XKR6: variants seen among roughly 807,000 people sequenced by gnomAD.
XKR6 encodes XK related 6, also known as XK-related protein 6.
XKR6 carries 22 observed loss-of-function variants against 56.7 expected under a neutral mutation model. The ratio of observed to expected loss-of-function variants is 0.39; its 90% CI spans 0.28 to 0.55. XKR6 has a LOEUF of 0.55. Among genes scored for constraint, XKR6 ranks in the 20% least tolerant of loss-of-function variants. The probability of loss-of-function intolerance (pLI) is 0.66; values close to 1 mark genes in which losing one functional copy is unlikely to be tolerated. For missense variants in XKR6, 852 were observed against 889.0 expected (o/e 0.96, Z 0.53); for synonymous variants, 524 against 387.8 (o/e 1.35, Z -4.13).
chr8:11,019,235 G>T (rs761264908), intron 1 of XKR6, among the ~76,000 whole-genome samples: 4 of 152,308 alleles, frequency 2.6e-5, no homozygotes, highest in Non-Finnish European at 5.9e-5. Context: ...AATGTGAATT[G>T]CTTGGCACTG....
intron 1 of XKR6, among the ~76,000 whole-genome samples, chr8:10,966,560 G>A (rs1379141325): frequency 6.6e-6 from 1 of 152,164 alleles, no homozygotes; most frequent in African/African-American, 2.4e-5. Context: ...TGTAGTCCCA[G>A]CTACACGGGA....
intron 1 of XKR6, among the ~76,000 whole-genome samples, chr8:11,061,085 A>G (rs1799821971): frequency 6.6e-6 from 1 of 152,236 alleles, no homozygotes; most frequent in South Asian, 2.1e-4. Context: ...TGGATGAAAC[A>G]GCTGGGACAC....
intron 1 of XKR6, among the ~76,000 whole-genome samples, chr8:11,010,739 T>C (rs992157892): frequency 4.6e-5 from 7 of 152,174 alleles, no homozygotes; most frequent in Admixed American, 2.6e-4. Flanking sequence ...CAGTCTTCTT[T>C]ACTACCTTTT....
At chr8:11,037,597 C>T (rs1406418867) in intron 1 of XKR6, among the ~76,000 whole-genome samples, 3 of 152,322 alleles carry the variant, frequency 2.0e-5, no homozygotes, top group Non-Finnish European at 4.4e-5. Context: ...CAGTGGCTCA[C>T]GCCTGTAATC....
chr8:11,072,945 G>A (rs994757662), intron 1 of XKR6, among the ~76,000 whole-genome samples: 1 of 152,122 alleles, frequency 6.6e-6, no homozygotes, highest in Non-Finnish European at 1.5e-5. Flanking sequence ...AGCTACTAAT[G>A]AGGCTGAGGC....
intron 1 of XKR6, among the ~76,000 whole-genome samples, chr8:10,951,308 GGGC>G (rs1451547288): frequency 6.1e-5 from 9 of 147,110 alleles, no homozygotes; most frequent in Admixed American, 2.0e-4. Context: ...TGGGGGGGGG[GGGC>G]CCCCACAGTG....
In XKR6 at chr8:10,897,310, A is replaced by G. The variant is rs368413761; in HGVS notation, c.*642T>C. 1 of 152,736 alleles carries G rather than the reference A, an allele frequency of 6.5e-6. No homozygotes were observed. Among genetic ancestry groups the G allele is most frequent in the African/African-American group, 2.4e-5 (1 of 41,592 alleles). The allele number at this position is 152,736 out of a possible 1,614,324, so 9.5% of individuals were successfully genotyped here. A position where few individuals can be genotyped will look rare whatever the true frequency, so the allele number is the denominator to read the frequency against. ...GGTAAATTTGTTTTCTTCAATACAA[A>G]TAATCAGATAGGAAGAATAATTGCT... On this transcript the variant is annotated 3_prime_UTR_variant, in exon 3 of 3. Transcript: ENST00000416569.
chr8:11,104,965 A>T (rs1798623222), intron 1 of XKR6: 1 of 152,308 alleles, frequency 6.6e-6, no homozygotes, highest in Non-Finnish European at 1.5e-5. Context: ...TTGAAACAGG[A>T]TGGTGACGGC....
At chr8:10,976,660 G>C (rs537445081) in intron 1 of XKR6, among the ~76,000 whole-genome samples, 1 of 152,304 alleles carries the variant, frequency 6.6e-6, no homozygotes, top group Non-Finnish European at 1.5e-5. Context: ...GGAAGACAAT[G>C]AGGCAGCCAC....
chr8:11,182,252 C>T (rs186259464), intron 1 of XKR6, among the ~76,000 whole-genome samples: 75 of 152,258 alleles, frequency 4.9e-4, no homozygotes, highest in Non-Finnish European at 9.7e-4. Flanking sequence ...CCACAGGTGA[C>T]GTCGTAGGAT....
Position 11,121,584 on chromosome 8 carries a change from G to T in XKR6, c.764+78992C>A, listed in dbSNP as rs547458599. 2.4e-4 allele frequency among the ~76,000 whole-genome samples: 36 copies of T among 152,352 alleles called. No individual in the cohort carries two copies. The South Asian group carries it at 7.2e-3, about 31-fold the overall frequency. On this transcript the variant is annotated intron_variant, in intron 1 of 2. Coordinates refer to ENST00000416569, the MANE Select transcript of XKR6 (RefSeq NM_173683.4). ...AAACAGGAACACTTTTACACTGTTG[G>T]TGGGACTGTAAACTAGTTCAACCAT...
In XKR6 at chr8:11,111,437, A is replaced by G. The variant is rs140030508; in HGVS notation, c.764+89139T>C. ...TTGGGTGGACTTTGCATATTCTAAT[A>G]CAGGCCATTCTGAGACCGGTTCCAG... On this transcript the variant is annotated intron_variant, in intron 1 of 2. Transcript: ENST00000416569. Among the ~76,000 whole-genome samples the G allele has an allele frequency of 2.3e-3, 350 of 152,272 alleles. 3 individuals carry two copies. Among genetic ancestry groups the G allele is most frequent in the African/African-American group, 8.0e-3 (332 of 41,566 alleles).
At chr8:10,958,337 G>A (rs959409256) in intron 1 of XKR6, among the ~76,000 whole-genome samples, 2 of 152,192 alleles carry the variant, frequency 1.3e-5, no homozygotes, top group African/African-American at 4.8e-5. Context: ...CTTTAGAGCC[G>A]GCACTAATGC....
chr8:10,916,057 A>T (rs984917495), intron 2 of XKR6, among the ~76,000 whole-genome samples: 1 of 152,202 alleles, frequency 6.6e-6, no homozygotes, highest in African/African-American at 2.4e-5. Flanking sequence ...TTCCTTGGAG[A>T]CACCTGACCC....
intron 1 of XKR6, among the ~76,000 whole-genome samples, chr8:10,973,356 G>A (rs937444820): frequency 1.3e-5 from 2 of 152,198 alleles, no homozygotes. Context: ...CCCTAAATGG[G>A]TTCCATGGGT....
Position 11,044,598 on chromosome 8 carries a change from A to G in XKR6, c.765-119768T>C, listed in dbSNP as rs1586470749. ...ATTCCCTCAGATCATCCTCCCAACA[A>G]CGCTGTCTTATAAGCAGGCAGGGTA... On this transcript the variant is annotated intron_variant, in intron 1 of 2. Coordinates refer to ENST00000416569, the MANE Select transcript of XKR6 (RefSeq NM_173683.4). Among the ~76,000 whole-genome samples, 4 of 151,004 alleles carry G rather than the reference A, an allele frequency of 2.6e-5. No homozygotes were observed. In the South Asian group the frequency reaches 8.4e-4, roughly 32 times the overall value.
chr8:11,101,243 T>A (rs772349153), intron 1 of XKR6, among the ~76,000 whole-genome samples: 27 of 151,988 alleles, frequency 1.8e-4, no homozygotes, highest in Non-Finnish European at 2.5e-4. Context: ...TTTATAAGAG[T>A]CAAAAATTGG....
chr8:11,029,086 C>A (rs1367233663), intron 1 of XKR6, among the ~76,000 whole-genome samples: 1 of 152,120 alleles, frequency 6.6e-6, no homozygotes, highest in Non-Finnish European at 1.5e-5. Flanking sequence ...GAGTCCTCAG[C>A]GACCCTCCCA....
intron 1 of XKR6, among the ~76,000 whole-genome samples, chr8:11,098,781 T>C (rs562001116): frequency 1.8e-4 from 27 of 152,182 alleles, no homozygotes; most frequent in Non-Finnish European, 3.7e-4. Context: ...CTTGGACGAA[T>C]AAAAAGCTTT....
Sources: allele counts gnomAD v4.1 joint callset (sites outside exome capture counted in the v4.1 genomes callset), GRCh38; gene constraint gnomAD v4.1.1; transcripts MANE v1.5; gene names NCBI Gene and HGNC (gene_info 2026-07-23, HGNC 2026-07-21).